Variants in DCLK2 observed in about 807,000 individuals in gnomAD.
DCLK2 encodes serine/threonine-protein kinase DCLK2.
DCLK2 carries 31 observed loss-of-function variants against 78.4 expected under a neutral mutation model. That is an observed-to-expected ratio of 0.40 (90% CI 0.30 to 0.53). The LOEUF (loss-of-function observed/expected upper bound fraction) is 0.53, where lower values mean the gene tolerates loss of function less well. Among genes scored for constraint, DCLK2 ranks in the 20% least tolerant of loss-of-function variants. DCLK2 has a pLI of 0.61. For synonymous variants in DCLK2, 407 were observed against 374.9 expected (o/e 1.09, Z -0.99); for missense variants, 872 against 973.7 (o/e 0.90, Z 1.39).
intron 1 of DCLK2, among the ~76,000 whole-genome samples, chr4:150,094,839 A>G (rs1730344608): frequency 6.6e-6 from 1 of 152,204 alleles, no homozygotes; most frequent in Non-Finnish European, 1.5e-5. Flanking sequence ...TAGTCTAGAC[A>G]GTGGCTTGTA....
chr4:150,180,405 C>G (rs1737423209), intron 2 of DCLK2, among the ~76,000 whole-genome samples: 1 of 152,118 alleles, frequency 6.6e-6, no homozygotes, highest in Admixed American at 6.6e-5. Flanking sequence ...AAGATTGCCA[C>G]CTTTTGCTTT....
chr4:150,108,621 A>G (rs114007671), intron 2 of DCLK2, among the ~76,000 whole-genome samples: 5,969 of 152,254 alleles, frequency 0.039, 242 homozygotes, highest in Admixed American at 0.085. Flanking sequence ...TTGTATAGGA[A>G]AACAAATTTA....
intron 2 of DCLK2, among the ~76,000 whole-genome samples, chr4:150,122,440 C>A (rs1732617119): frequency 6.6e-6 from 1 of 152,148 alleles, no homozygotes; most frequent in South Asian, 2.1e-4. Flanking sequence ...AGTATGAGTT[C>A]ATGTCCTTTG....
intron 2 of DCLK2, among the ~76,000 whole-genome samples, chr4:150,131,905 T>C (rs1009572116): frequency 6.6e-6 from 1 of 152,132 alleles, no homozygotes; most frequent in African/African-American, 2.4e-5. Context: ...GCTATGTAAT[T>C]GTGGGACACA....
At chr4:150,227,381 C>G (rs1741698799) in intron 8 of DCLK2, among the ~76,000 whole-genome samples, 1 of 152,146 alleles carries the variant, frequency 6.6e-6, no homozygotes, top group African/African-American at 2.4e-5. Flanking sequence ...TAAATTAATA[C>G]CAGTTCTGCA....
intron 2 of DCLK2, among the ~76,000 whole-genome samples, chr4:150,147,133 A>T (rs543212452): frequency 2.6e-5 from 4 of 152,210 alleles, no homozygotes; most frequent in African/African-American, 9.6e-5. Flanking sequence ...AAAAAAAATA[A>T]AAAATAAAAA....
At chr4:150,203,046 A>G (rs1739566407) in intron 4 of DCLK2, among the ~76,000 whole-genome samples, 1 of 152,222 alleles carries the variant, frequency 6.6e-6, no homozygotes, top group Admixed American at 6.5e-5. Flanking sequence ...TCATTTGCAG[A>G]TTCTGTACTA....
At chr4:150,231,580 T>A (rs115273167) in intron 8 of DCLK2, among the ~76,000 whole-genome samples, 3,319 of 152,316 alleles carry the variant, frequency 0.022, 59 homozygotes, top group Non-Finnish European at 0.037. Flanking sequence ...GATTCATGGG[T>A]TGACGTATTA....
At position 150,248,342 on chromosome 4, in the gene DCLK2, C is replaced by G; in HGVS notation, c.1913C>G (p.Ala638Gly). Residue 638 changes from alanine (A) to glycine (G), a missense_variant, in exon 14 of 16, where the codon GCT becomes GGT. Around this residue, in one of 3 missense-constraint regions of DCLK2, gnomAD observed 219 missense variants for 230.1 expected, o/e 0.95. Coordinates refer to ENST00000296550, the MANE Select transcript of DCLK2 (RefSeq NM_001040260.4). Reference sequence around the variant, plus strand: ...CAAATGCTTCAGGTAAATGTTGAAGCTCGGTGTACCGCGGGACAAATCCTG... The same window carrying G: ...CAAATGCTTCAGGTAAATGTTGAAGGTCGGTGTACCGCGGGACAAATCCTG... ...ISQMLQVNVE[A>G]RCTAGQILSH... The G allele has an allele frequency of 1.2e-6, 2 of 1,613,984 alleles. No individual in the cohort carries two copies. The highest frequency in any genetic ancestry group is 1.7e-6 in the Non-Finnish European group (2 of 1,180,002).
Position 150,248,300 on chromosome 4 carries a change from T to C in DCLK2, c.1876-5T>C. 1 of 1,613,396 alleles carries C rather than the reference T, an allele frequency of 6.2e-7. No homozygotes were observed. Among genetic ancestry groups the C allele is most frequent in the African/African-American group, 1.3e-5 (1 of 75,052 alleles). ...CTGTGGTCTGACTTGTTTGTTTATT[T>C]GTAGGAATTAATCAGTCAAATGCTT... On this transcript the variant is annotated splice_polypyrimidine_tract_variant and splice_region_variant and intron_variant, in intron 13 of 15. Coordinates refer to ENST00000296550, the MANE Select transcript of DCLK2 (RefSeq NM_001040260.4).
chr4:150,250,797 C>A (rs1158999840), intron 15 of DCLK2, among the ~76,000 whole-genome samples: 1 of 151,140 alleles, frequency 6.6e-6, no homozygotes, highest in Non-Finnish European at 1.5e-5. Context: ...GAGAGCCTTA[C>A]CTAGGAAGAC....
chr4:150,107,904 G>A (rs988763157), intron 2 of DCLK2, among the ~76,000 whole-genome samples: 2 of 152,044 alleles, frequency 1.3e-5, no homozygotes, highest in Non-Finnish European at 2.9e-5. Flanking sequence ...TCAGGAGTTC[G>A]AGGCTGCAGT....
intron 2 of DCLK2, among the ~76,000 whole-genome samples, chr4:150,104,809 A>G (rs528912748): frequency 2.0e-5 from 3 of 152,282 alleles, no homozygotes; most frequent in Non-Finnish European, 2.9e-5. Flanking sequence ...CAACAAGCCA[A>G]TGTATTACAA....
intron 2 of DCLK2, among the ~76,000 whole-genome samples, chr4:150,107,544 T>A (rs1393413714): frequency 6.6e-6 from 1 of 151,786 alleles, no homozygotes; most frequent in Non-Finnish European, 1.5e-5. Flanking sequence ...GCCTGGCTAA[T>A]TTTTGTATTT....
intron 8 of DCLK2, among the ~76,000 whole-genome samples, chr4:150,226,524 A>G (rs957003031): frequency 8.1e-6 from 1 of 123,878 alleles, no homozygotes; most frequent in Non-Finnish European, 1.5e-5. Context: ...TCAAAACAGT[A>G]AAAAAAAAAT....
intron 12 of DCLK2, among the ~76,000 whole-genome samples, chr4:150,240,839 T>C (rs1383771965): frequency 6.6e-6 from 1 of 151,858 alleles, no homozygotes; most frequent in Non-Finnish European, 1.5e-5. Context: ...CCTATTAATG[T>C]ATATTCTCAT....
chr4:150,138,889 C>T (rs1014298538), intron 2 of DCLK2, among the ~76,000 whole-genome samples: 3 of 152,002 alleles, frequency 2.0e-5, no homozygotes, highest in Non-Finnish European at 4.4e-5. Context: ...TGGTCTCAAT[C>T]TCCTGACCTT....
chr4:150,102,937 TTG>T (rs568327772), intron 2 of DCLK2, 125 bp downstream of exon 2: 7,949 of 770,140 alleles, frequency 0.01, 1 homozygote, highest in Middle Eastern at 0.014. Context: ...ATACTTGAGA[TTG>T]TGTGTGTGTG....
intron 12 of DCLK2, among the ~76,000 whole-genome samples, chr4:150,246,620 A>C (rs922356981): frequency 6.6e-6 from 1 of 152,178 alleles, no homozygotes; most frequent in African/African-American, 2.4e-5. Flanking sequence ...GGGGCCTTGT[A>C]ATGGCCTGGA....
Sources: gnomAD v4.1 joint callset for allele counts (sites outside exome capture counted in the v4.1 genomes callset) on GRCh38, gnomAD v4.1.1 for gene constraint, gnomAD v4.1.1 regional missense constraint, MANE v1.5 for transcripts, NCBI Gene and HGNC (gene_info 2026-07-23, HGNC 2026-07-21) for gene names.